CPT1A: variants seen among roughly 807,000 people sequenced by gnomAD.
The protein encoded by CPT1A is carnitine O-palmitoyltransferase 1, liver isoform.
CPT1A carries 64 observed loss-of-function variants against 100.8 expected under a neutral mutation model. The ratio of observed to expected loss-of-function variants is 0.63; its 90% confidence interval spans 0.52 to 0.78. The LOEUF (loss-of-function observed/expected upper bound fraction) is 0.78, where lower values mean the gene tolerates loss of function less well. CPT1A is among the 30% of genes least tolerant of loss of function. The pLI, the probability that CPT1A is intolerant of heterozygous loss-of-function variation, is 0.00. For synonymous variants in CPT1A, 363 were observed against 396.0 expected (o/e 0.92, Z 0.99); for missense variants, 802 against 1,034.1 (o/e 0.78, Z 3.08).
At chr11:68,824,163 G>A (rs12364259) in intron 1 of CPT1A, among the ~76,000 whole-genome samples, 4 of 149,054 alleles carry the variant, frequency 2.7e-5, no homozygotes, top group Non-Finnish European at 5.9e-5. Flanking sequence ...CAGGAGAATC[G>A]CTTGAACCTG....
intron 16 of CPT1A, 117 bp from the exon 17 acceptor site, chr11:68,760,455 G>T: frequency 1.2e-6 from 1 of 800,756 alleles, no homozygotes; most frequent in Non-Finnish European, 2.0e-6. Context: ...CACACCACAA[G>T]TCTATGTCTC....
intron 8 of CPT1A, among the ~76,000 whole-genome samples, chr11:68,794,144 T>A (rs572829357): frequency 6.6e-6 from 1 of 152,252 alleles, no homozygotes. Flanking sequence ...CTCAGAATAA[T>A]TAGGCTGGGT....
chr11:68,800,930 C>A (rs1855889912), intron 5 of CPT1A, among the ~76,000 whole-genome samples: 1 of 152,046 alleles, frequency 6.6e-6, no homozygotes, highest in Non-Finnish European at 1.5e-5. Flanking sequence ...GCCTGGGCAA[C>A]ATGGCAAGAC....
intron 10 of CPT1A, 58 bp from the exon 11 acceptor site, chr11:68,782,017 T>C: frequency 6.8e-7 from 1 of 1,470,226 alleles, no homozygotes; most frequent in Non-Finnish European, 9.5e-7. Context: ...TGGAGCGTGA[T>C]GTTTGAAATG....
chr11:68,803,109 C>T (rs796958761), intron 5 of CPT1A, among the ~76,000 whole-genome samples: 4 of 152,210 alleles, frequency 2.6e-5, no homozygotes, highest in African/African-American at 7.2e-5. Flanking sequence ...CAAAAACATT[C>T]GCCACCCAGC....
At position 68,762,862 on chromosome 11, in the gene CPT1A, T is replaced by A. The variant is rs1239066451; in HGVS notation, c.1741-101A>T. ...ATTGGCAAGGAGACGTGGACTTCATTGTCAACATTTTTTTGAGACGGGGTC... is the reference window on the plus strand; with the variant it reads ...ATTGGCAAGGAGACGTGGACTTCATAGTCAACATTTTTTTGAGACGGGGTC... On this transcript the variant is annotated intron_variant, in intron 14 of 18. Transcript: ENST00000265641. 6.1e-6 allele frequency: 9 copies of A among 1,480,076 alleles called. No homozygotes were observed. The Admixed American group carries it at 1.4e-4, about 23-fold the overall frequency. 91.7% of individuals were successfully genotyped at this position (1,480,076 alleles called of 1,614,324 possible).
At chr11:68,800,748 A>G (rs1209134678) in intron 5 of CPT1A, among the ~76,000 whole-genome samples, 1 of 152,202 alleles carries the variant, frequency 6.6e-6, no homozygotes, top group Non-Finnish European at 1.5e-5. Flanking sequence ...TGTAAAAAAC[A>G]AAGCTTGGTG....
At position 68,757,615 on chromosome 11, in the gene CPT1A, C is replaced by T. The variant is rs199893368; in HGVS notation, c.*29G>A. On this transcript the variant is annotated 3_prime_UTR_variant, in exon 19 of 19. Coordinates refer to ENST00000265641, the MANE Select transcript of CPT1A (RefSeq NM_001876.4). Reference sequence around the variant, plus strand: ...TCATTTGGTTTGCATCAGAAGAGCTCGTTTTCCTTCCCAGCAGCTCCAGTG... The same window carrying T: ...TCATTTGGTTTGCATCAGAAGAGCTTGTTTTCCTTCCCAGCAGCTCCAGTG... 7 of 1,613,992 alleles carry T rather than the reference C, an allele frequency of 4.3e-6. No homozygotes were observed. The highest frequency in any genetic ancestry group is 3.3e-5 in the South Asian group (3 of 91,064).
At chr11:68,792,984 G>T (rs1236706260) in intron 9 of CPT1A, among the ~76,000 whole-genome samples, 2 of 152,180 alleles carry the variant, frequency 1.3e-5, no homozygotes, top group African/African-American at 4.8e-5. Flanking sequence ...GGAGGTGGAG[G>T]CTGAAGTGAG....
In CPT1A at chr11:68,761,616, G is replaced by T; in HGVS notation, c.1947C>A (p.Thr649=). 1.2e-6 allele frequency: 2 copies of T among 1,614,062 alleles called. No homozygotes were observed. The highest frequency in any genetic ancestry group is 1.7e-6 in the Non-Finnish European group (2 of 1,180,014). The change falls in exon 16 of 19, where the codon ACC becomes ACA. Residue 649 remains threonine, a synonymous_variant. Coordinates refer to ENST00000265641, the MANE Select transcript of CPT1A (RefSeq NM_001876.4). ...AGAGGTGACGATCGATCCCAGAGCC[G>T]GTCATGGCGAGGCGATACATATGCT... ...KHQHMYRLAM[T]GSGIDRHLFC... is the part of the protein sequence containing the mutation.
intron 2 of CPT1A, among the ~76,000 whole-genome samples, 155 bp downstream of exon 2, chr11:68,815,179 T>C (rs1195426777): frequency 6.6e-6 from 1 of 152,162 alleles, no homozygotes; most frequent in African/African-American, 2.4e-5. Context: ...TGAGCTAAAG[T>C]CTATGTGACG....
intron 1 of CPT1A, among the ~76,000 whole-genome samples, chr11:68,840,992 C>A (rs999092972): frequency 1.2e-4 from 19 of 152,218 alleles, no homozygotes; most frequent in Non-Finnish European, 1.2e-4. Context: ...CGCTCCCAAG[C>A]AGGCACTGGG....
intron 17 of CPT1A, among the ~76,000 whole-genome samples, 169 bp from the exon 18 acceptor site, chr11:68,759,830 C>T (rs542019920): frequency 2.6e-4 from 40 of 151,852 alleles, no homozygotes; most frequent in African/African-American, 9.7e-4. Flanking sequence ...GGGTTCGAGA[C>T]CAGCCCGGAC....
intron 10 of CPT1A, among the ~76,000 whole-genome samples, chr11:68,783,366 T>C (rs903345082): frequency 1.6e-4 from 24 of 150,952 alleles, no homozygotes; most frequent in African/African-American, 4.4e-4. Flanking sequence ...CCTCCCCAGC[T>C]TGGCACCGTG....
intron 6 of CPT1A, 96 bp from the exon 7 acceptor site, chr11:68,797,029 G>T: frequency 8.4e-7 from 1 of 1,192,738 alleles, no homozygotes. Context: ...GGCAGGCAGT[G>T]CTTTTGGCAG....
chr11:68,811,405 G>A (rs1416457845), intron 3 of CPT1A, among the ~76,000 whole-genome samples: 4 of 152,206 alleles, frequency 2.6e-5, no homozygotes, highest in Non-Finnish European at 5.9e-5. Flanking sequence ...TTTCAGACCC[G>A]AAAGTAAAAT....
At chr11:68,770,266 CT>C (rs1346057462) in intron 14 of CPT1A, among the ~76,000 whole-genome samples, 2 of 152,136 alleles carry the variant, frequency 1.3e-5, no homozygotes, top group Non-Finnish European at 2.9e-5. Flanking sequence ...ATTACATTCT[CT>C]TATTATATTT....
intron 1 of CPT1A, among the ~76,000 whole-genome samples, chr11:68,827,909 C>A (rs896415223): frequency 1.3e-5 from 2 of 152,218 alleles, no homozygotes; most frequent in Non-Finnish European, 2.9e-5. Context: ...GTCCTGCACC[C>A]CCCTGCTGGC....
intron 3 of CPT1A, among the ~76,000 whole-genome samples, chr11:68,809,124 T>C (rs562167187): frequency 3.9e-5 from 6 of 152,168 alleles, no homozygotes; most frequent in Non-Finnish European, 5.9e-5. Flanking sequence ...CCAAAATGTA[T>C]ATCTTTCTAT....
Sources: gnomAD v4.1 joint callset for allele counts (sites outside exome capture counted in the v4.1 genomes callset) on GRCh38, gnomAD v4.1.1 for gene constraint, MANE v1.5 for transcripts, NCBI Gene and HGNC (gene_info 2026-07-23, HGNC 2026-07-21) for gene names.